POLDIP3: variants seen among roughly 807,000 people sequenced by gnomAD.
POLDIP3 encodes the protein DNA polymerase delta interacting protein 3, also known as polymerase delta-interacting protein 3.
A neutral mutation model predicts 45.1 loss-of-function variants in POLDIP3; 14 were observed. The observed-to-expected ratio is 0.31, with a 90% confidence interval of 0.20 to 0.49. POLDIP3 has a LOEUF of 0.49. Ranked by LOEUF, POLDIP3 falls within the 20% of genes least tolerant of loss-of-function variation. The pLI is 0.99. For missense variants in POLDIP3, 511 were observed against 538.8 expected (o/e 0.95, Z 0.51); for synonymous variants, 223 against 205.2 (o/e 1.09, Z -0.74).
chr22:42,612,203 G>C (rs1461478487), intron 1 of POLDIP3, among the ~76,000 whole-genome samples: 1 of 152,214 alleles, frequency 6.6e-6, no homozygotes, highest in Non-Finnish European at 1.5e-5. Flanking sequence ...AATAACGAAA[G>C]CTAACGTCTA....
chr22:42,585,526 G>A lies in POLDIP3; in HGVS notation c.*265C>T. On this transcript the variant is annotated 3_prime_UTR_variant, in exon 9 of 9. Coordinates refer to ENST00000252115, the MANE Select transcript of POLDIP3 (RefSeq NM_032311.5). Reference sequence around the variant, plus strand: ...GAAATCAGCTTGGGGCTGAGGCTCGGGGAGGCACACACTGAAAAACACAAG... The same window carrying A: ...GAAATCAGCTTGGGGCTGAGGCTCGAGGAGGCACACACTGAAAAACACAAG... The A allele has an allele frequency of 2.1e-6, 1 of 470,252 alleles. No individual in the cohort carries two copies. The allele number at this position is 470,252 out of a possible 1,614,324, so 29.1% of individuals were successfully genotyped here.
intron 3 of POLDIP3, 60 bp downstream of exon 3, chr22:42,601,910 A>C: frequency 1.3e-6 from 2 of 1,571,064 alleles, no homozygotes; most frequent in South Asian, 2.3e-5. Context: ...ACACGTGCAC[A>C]CCTACATGTT....
rs538972806 is a variant in POLDIP3 at position 42,614,860 on chromosome 22, T to C, written c.-3A>G. ...TCGTCCAGGGAGATGTCCGCCATCT[T>C]GCTCCGCCGAGCAAGCCGAAAGCAG... On this transcript the variant is annotated 5_prime_UTR_variant, in exon 1 of 9. Transcript: ENST00000252115. 3 of 1,613,852 alleles carry C rather than the reference T, an allele frequency of 1.9e-6. No homozygotes were observed. The highest frequency in any genetic ancestry group is 3.3e-5 in the Admixed American group (2 of 60,022).
At chr22:42,599,840 C>T in intron 3 of POLDIP3, 47 bp from the exon 4 acceptor site, 2 of 1,370,884 alleles carry the variant, frequency 1.5e-6, no homozygotes, top group Non-Finnish European at 2.1e-6. Flanking sequence ...GCATCTGGGC[C>T]CTCAACAGAC....
chr22:42,608,475 G>T lies in POLDIP3; in HGVS notation c.60-5315C>A, dbSNP rs118169266. Among the ~76,000 whole-genome samples the T allele has an allele frequency of 9.3e-3, 1,415 of 151,942 alleles. 23 individuals are homozygous for T. Among genetic ancestry groups the T allele is most frequent in the Non-Finnish European group, 0.01 (683 of 67,938 alleles). On this transcript the variant is annotated intron_variant, in intron 1 of 8. Coordinates refer to ENST00000252115, the MANE Select transcript of POLDIP3 (RefSeq NM_032311.5). ...AAAACCACCACCACCAAAACAAAAA[G>T]AAACAATCTTCCTTATCATTATTGT...
Position 42,591,830 on chromosome 22 carries a change from G to C in POLDIP3, c.1021+125C>G, listed in dbSNP as rs1311287117. 3 of 1,270,460 alleles carry C rather than the reference G, an allele frequency of 2.4e-6. No homozygotes were observed. In the African/African-American group the frequency reaches 4.5e-5, roughly 19 times the overall value. 78.7% of individuals were successfully genotyped at this position (1,270,460 alleles called of 1,614,324 possible). On this transcript the variant is annotated intron_variant, in intron 7 of 8. Transcript: ENST00000252115. ...ACTCAGAGACTGCACGGCAGTTCCT[G>C]GTGCAGACGAGGCCCCAGAGATGGG...
At position 42,589,303 on chromosome 22, in the gene POLDIP3, G is replaced by A. The variant is rs373063650; in HGVS notation, c.1022-1731C>T. ...CTCAAATAGCAACCCTAAGAAAGCTGGTCTTTTACTTATTAGCTTATTAGC... is the reference window on the plus strand; with the variant it reads ...CTCAAATAGCAACCCTAAGAAAGCTAGTCTTTTACTTATTAGCTTATTAGC... On this transcript the variant is annotated intron_variant, in intron 7 of 8. Transcript: ENST00000252115. Among the ~76,000 whole-genome samples, 7 of 151,196 alleles carry A rather than the reference G, an allele frequency of 4.6e-5. No homozygotes were observed. In the East Asian group the frequency reaches 5.8e-4, roughly 13 times the overall value.
In POLDIP3 at chr22:42,602,971, G is replaced by A. The variant is rs1344927708; in HGVS notation, c.249C>T (p.Ala83=). The A allele has an allele frequency of 5.0e-6, 8 of 1,613,846 alleles. No homozygotes were observed. In the African/African-American group the frequency reaches 8.0e-5, roughly 16 times the overall value. ...DAREKLLQKD[A]RFRIKGKVQD... ...GCACTTTCCCTTTGATTCGAAATCG[G>A]GCATCTTTCTGCAAAAGCTTCTCCC... Residue 83 remains alanine, a synonymous_variant, in exon 2 of 9, where the codon GCC becomes GCT. Transcript: ENST00000252115.
In POLDIP3 at chr22:42,584,951, G is replaced by A. The variant is rs1184079972; in HGVS notation, c.*840C>T. The A allele has an allele frequency of 4.4e-6, 2 of 456,326 alleles. No homozygotes were observed. Among genetic ancestry groups the A allele is most frequent in the Non-Finnish European group, 8.8e-6 (2 of 226,978 alleles). 28.3% of individuals were successfully genotyped at this position (456,326 alleles called of 1,614,324 possible). ...GAGCCTTTCAAAGGCCCAACCAGAA[G>A]AGAGCTGGCGGCTACACAAAACCAG... On this transcript the variant is annotated 3_prime_UTR_variant, in exon 9 of 9. Coordinates refer to ENST00000252115, the MANE Select transcript of POLDIP3 (RefSeq NM_032311.5).
intron 8 of POLDIP3, 138 bp downstream of exon 8, chr22:42,587,368 G>A: frequency 1.1e-6 from 1 of 907,612 alleles, no homozygotes. Flanking sequence ...TTAAGCATAT[G>A]AAACGGCCAG....
At chr22:42,592,444 AAT>A (rs1165084909) in intron 6 of POLDIP3, among the ~76,000 whole-genome samples, 2 of 152,260 alleles carry the variant, frequency 1.3e-5, no homozygotes, top group East Asian at 3.8e-4. Context: ...GACAGCTGCT[AAT>A]ATGTCACCTG....
intron 1 of POLDIP3, among the ~76,000 whole-genome samples, chr22:42,605,042 C>A (rs1483649420): frequency 6.6e-6 from 1 of 152,226 alleles, no homozygotes; most frequent in Non-Finnish European, 1.5e-5. Flanking sequence ...AGGAAGCAGG[C>A]AGGCCCTCAT....
chr22:42,611,026 G>C lies in POLDIP3; in HGVS notation c.59+3773C>G, dbSNP rs182576598. Among the ~76,000 whole-genome samples the C allele has an allele frequency of 3.3e-5, 5 of 152,316 alleles. No individual in the cohort carries two copies. The South Asian group carries it at 1.0e-3, about 32-fold the overall frequency. On this transcript the variant is annotated intron_variant, in intron 1 of 8. Transcript: ENST00000252115. The stretch of plus-strand genomic sequence containing the variant: ...ACTAAAGTCACTGGAGATGTGCTGT[G>C]GTGAGGAAAGATAGCACCTCACCAT...
intron 6 of POLDIP3, 125 bp from the exon 7 acceptor site, chr22:42,592,209 G>A (rs1006168014): frequency 1.2e-5 from 17 of 1,408,828 alleles, no homozygotes; most frequent in East Asian, 6.9e-5. Flanking sequence ...CTGAGACTGC[G>A]GGGAGGCTCC....
Position 42,585,889 on chromosome 22 carries a change from G to A in POLDIP3, c.1168C>T (p.Pro390Ser), listed in dbSNP as rs759683794. 5.6e-6 allele frequency: 9 copies of A among 1,613,352 alleles called. No individual in the cohort carries two copies. Among genetic ancestry groups the A allele is most frequent in the Non-Finnish European group, 7.6e-6 (9 of 1,179,992 alleles). Reference protein sequence around the residue: ...RVNSASSSNPPAEVDPDTILK... With the variant: ...RVNSASSSNPSAEVDPDTILK... ...ATGGTGTCAGGGTCCACTTCGGCAG[G>A]GGGGTTGGAGGAGGAGGCAGAGTTC... is the stretch of plus-strand genomic sequence containing the variant. The change falls in exon 9 of 9, where the codon CCT becomes TCT. Residue 390 changes from proline to serine, a missense_variant. Coordinates refer to ENST00000252115, the MANE Select transcript of POLDIP3 (RefSeq NM_032311.5).
In POLDIP3 at chr22:42,592,076, G is replaced by C. The variant is rs1471752651; in HGVS notation, c.900C>G (p.Phe300Leu). 6.8e-6 allele frequency: 11 copies of C among 1,614,192 alleles called. No individual in the cohort carries two copies. Among genetic ancestry groups the C allele is most frequent in the Non-Finnish European group, 9.3e-6 (11 of 1,180,018 alleles). Residue 300 changes from phenylalanine (F) to leucine (L), a missense_variant, in exon 7 of 9, where the codon TTC becomes TTG. Phe to Leu is a conservative substitution (Grantham distance 22). Transcript: ENST00000252115. ...RVTEEDIVEL[F>L]CVCGALKRAR... ...CTCGCTTGAGGGCCCCACACACACA[G>C]AAAAGCTCCTGCACACAACAAGAGG...
chr22:42,611,318 C>T (rs1025243175), intron 1 of POLDIP3, among the ~76,000 whole-genome samples: 5 of 152,148 alleles, frequency 3.3e-5, no homozygotes, highest in African/African-American at 1.2e-4. Context: ...CCACTGCATC[C>T]AGCTATGACC....
chr22:42,600,165 C>T (rs1222136628), intron 3 of POLDIP3, among the ~76,000 whole-genome samples: 1 of 152,156 alleles, frequency 6.6e-6, no homozygotes, highest in East Asian at 1.9e-4. Flanking sequence ...AAGATGTTCA[C>T]AGCAGAAGGA....
At chr22:42,603,369 TAAG>T (rs1270694612) in intron 1 of POLDIP3, among the ~76,000 whole-genome samples, 2 of 152,160 alleles carry the variant, frequency 1.3e-5, no homozygotes, top group African/African-American at 4.8e-5. Flanking sequence ...TAAGCAAAAT[TAAG>T]AGAGAGGGGC....
Sources: gnomAD v4.1 joint callset for allele counts (sites outside exome capture counted in the v4.1 genomes callset) on GRCh38, gnomAD v4.1.1 for gene constraint, MANE v1.5 for transcripts, NCBI Gene and HGNC (gene_info 2026-07-23, HGNC 2026-07-21) for gene names.